LSM2: variants seen among roughly 807,000 people sequenced by gnomAD.
LSM2 encodes LSM2 homolog, U6 small nuclear RNA and mRNA degradation associated.
A neutral mutation model predicts 17.0 loss-of-function variants in LSM2; 12 were observed. That is an observed-to-expected ratio of 0.70 (90% CI 0.45 to 1.14). The LOEUF (loss-of-function observed/expected upper bound fraction) is 1.14. LSM2 is among the 50% of genes most tolerant of loss of function. LSM2 has a pLI of 0.00. For synonymous variants in LSM2, 42 were observed against 44.5 expected (o/e 0.94, Z 0.22); for missense variants, 62 against 111.8 (o/e 0.55, Z 2.01).
Position 31,806,089 on chromosome 6 carries a change from T to G in LSM2, c.57A>C (p.Leu19=). ...SLVGKDVVVE[L]KNDLSICGTL... ...CAGGTACCTACCTCAGGTCATTCTTTAGTTCCACGACCACATCCTTGCCCA... is the reference window on the plus strand; with the variant it reads ...CAGGTACCTACCTCAGGTCATTCTTGAGTTCCACGACCACATCCTTGCCCA... The change falls in exon 2 of 5, where the codon CTA becomes CTC. Residue 19 remains leucine (L), a synonymous_variant. Coordinates refer to ENST00000375661, the MANE Select transcript of LSM2 (RefSeq NM_021177.5). The G allele has an allele frequency of 6.2e-7, 1 of 1,612,946 alleles. No individual in the cohort carries two copies. The highest frequency in any genetic ancestry group is 1.7e-4 in the Middle Eastern group (1 of 6,060).
intron 2 of LSM2, among the ~76,000 whole-genome samples, chr6:31,800,563 G>A (rs1814638038): frequency 6.6e-6 from 1 of 151,954 alleles, no homozygotes; most frequent in Non-Finnish European, 1.5e-5. Flanking sequence ...GACCAGCCTG[G>A]CCAACACGGC....
chr6:31,800,737 A>G (rs1205083737), intron 2 of LSM2, among the ~76,000 whole-genome samples: 3 of 152,122 alleles, frequency 2.0e-5, no homozygotes, highest in African/African-American at 7.2e-5. Flanking sequence ...AATACAAAAA[A>G]TTAGCCGGGC....
In LSM2 at chr6:31,806,773, G is replaced by C. The variant is rs758535485; in HGVS notation, c.-16C>G. 6.2e-7 allele frequency: 1 copy of C among 1,609,656 alleles called. No homozygotes were observed. Among genetic ancestry groups the C allele is most frequent in the Non-Finnish European group, 8.5e-7 (1 of 1,178,754 alleles). ...TACCCACCATGGTGCTGGCGCCGCG[G>C]GCAGCGGGCCGGACCGGGAAGACAG... On this transcript the variant is annotated 5_prime_UTR_variant, in exon 1 of 5. Coordinates refer to ENST00000375661, the MANE Select transcript of LSM2 (RefSeq NM_021177.5).
At chr6:31,798,903 ATTT>A (rs1814545795) in intron 2 of LSM2, among the ~76,000 whole-genome samples, 1 of 151,820 alleles carries the variant, frequency 6.6e-6, no homozygotes, top group African/African-American at 2.4e-5. Flanking sequence ...TGCCCGGCTA[ATTT>A]TTTATTTTTA....
In LSM2 at chr6:31,806,816, G is replaced by A; in HGVS notation, c.-59C>T. The A allele has an allele frequency of 6.4e-7, 1 of 1,562,836 alleles. No homozygotes were observed. The highest frequency in any genetic ancestry group is 8.6e-7 in the Non-Finnish European group (1 of 1,159,516). On this transcript the variant is annotated 5_prime_UTR_variant, in exon 1 of 5. Coordinates refer to ENST00000375661, the MANE Select transcript of LSM2 (RefSeq NM_021177.5). ...GAAGACAGCAGGGTGCTGCGAGCAG[G>A]TCTGGGGAAACCGAAGCGCGAGCCC...
intron 3 of LSM2, 122 bp from the exon 4 acceptor site, chr6:31,798,171 T>C: frequency 2.1e-6 from 2 of 965,172 alleles, no homozygotes; most frequent in Non-Finnish European, 1.5e-6. Context: ...AATCTCCGCC[T>C]CCTGGGTTCA....
In LSM2 at chr6:31,806,841, C is replaced by G; in HGVS notation, c.-84G>C. The G allele has an allele frequency of 6.7e-7, 1 of 1,501,256 alleles. No homozygotes were observed. The highest frequency in any genetic ancestry group is 8.9e-7 in the Non-Finnish European group (1 of 1,126,614). 93.0% of individuals were successfully genotyped at this position (1,501,256 alleles called of 1,614,324 possible). A position where few individuals can be genotyped will look rare whatever the true frequency, so the allele number is the denominator to read the frequency against. On this transcript the variant is annotated 5_prime_UTR_variant, in exon 1 of 5. Coordinates refer to ENST00000375661, the MANE Select transcript of LSM2 (RefSeq NM_021177.5). Reference sequence around the variant, plus strand: ...GTCTGGGGAAACCGAAGCGCGAGCCCGCGCGTGGGGCGAGGCGGGACCGCG... The same window carrying G: ...GTCTGGGGAAACCGAAGCGCGAGCCGGCGCGTGGGGCGAGGCGGGACCGCG...
At chr6:31,804,867 C>T (rs923201803) in intron 2 of LSM2, among the ~76,000 whole-genome samples, 4 of 149,250 alleles carry the variant, frequency 2.7e-5, no homozygotes, top group African/African-American at 9.9e-5. Flanking sequence ...CCCAGGTTCA[C>T]GCCATTCTCC....
At chr6:31,802,238 C>T (rs1814755089) in intron 2 of LSM2, among the ~76,000 whole-genome samples, 1 of 151,444 alleles carries the variant, frequency 6.6e-6, no homozygotes. Flanking sequence ...CGAGATCATG[C>T]CACTGCACTC....
chr6:31,803,714 A>G (rs924758393), intron 2 of LSM2, among the ~76,000 whole-genome samples: 2 of 151,778 alleles, frequency 1.3e-5, no homozygotes, highest in African/African-American at 4.8e-5. Flanking sequence ...CTGAGCAGCT[A>G]GGATTACAGG....
Position 31,797,706 on chromosome 6 carries a change from T to A in LSM2, c.*51A>T. The stretch of plus-strand genomic sequence containing the variant: ...GGGTTAGGGGTTCTGGGCTGGGACT[T>A]GGGGTTATGGGTCACCAATGAAAGA... On this transcript the variant is annotated 3_prime_UTR_variant, in exon 5 of 5. Coordinates refer to ENST00000375661, the MANE Select transcript of LSM2 (RefSeq NM_021177.5). 6.2e-7 allele frequency: 1 copy of A among 1,610,916 alleles called. No individual in the cohort carries two copies. Among genetic ancestry groups the A allele is most frequent in the Non-Finnish European group, 8.5e-7 (1 of 1,179,606 alleles).
chr6:31,801,272 T>C (rs1814687074), intron 2 of LSM2, among the ~76,000 whole-genome samples: 2 of 150,614 alleles, frequency 1.3e-5, no homozygotes, highest in Non-Finnish European at 3.0e-5. Flanking sequence ...AGACAGAGGG[T>C]GAGTCTCTGC....
chr6:31,806,048 A>G, intron 2 of LSM2, 27 bp downstream of exon 2: 1 of 1,610,290 alleles, frequency 6.2e-7, no homozygotes, highest in Non-Finnish European at 8.5e-7. Flanking sequence ...ACCCACCCCC[A>G]ACAGACTTGT....
intron 2 of LSM2, among the ~76,000 whole-genome samples, chr6:31,799,482 G>A (rs12525072): frequency 1.3e-5 from 2 of 151,932 alleles, no homozygotes; most frequent in East Asian, 1.9e-4. Flanking sequence ...TCAGCCTCCC[G>A]AGTAGCTGGG....
intron 2 of LSM2, among the ~76,000 whole-genome samples, chr6:31,805,593 G>A (rs1434933131): frequency 1.3e-5 from 2 of 151,788 alleles, no homozygotes; most frequent in African/African-American, 2.4e-5. Context: ...TTGAACTCCT[G>A]ACCTCGTGAT....
intron 2 of LSM2, among the ~76,000 whole-genome samples, chr6:31,801,551 T>C (rs1282714570): frequency 6.6e-6 from 1 of 152,102 alleles, no homozygotes; most frequent in Non-Finnish European, 1.5e-5. Flanking sequence ...TCCCAGCACT[T>C]TGGGAGGCTG....
chr6:31,799,031 C>T (rs1814551612), intron 2 of LSM2, among the ~76,000 whole-genome samples: 1 of 152,064 alleles, frequency 6.6e-6, no homozygotes, highest in South Asian at 2.1e-4. Flanking sequence ...CCACTGTCCC[C>T]GGCCAAACCA....
chr6:31,806,736 T>A lies in LSM2; in HGVS notation c.3+19A>T. 3 of 1,610,034 alleles carry A rather than the reference T, an allele frequency of 1.9e-6. No individual in the cohort carries two copies. Among genetic ancestry groups the A allele is most frequent in the Non-Finnish European group, 2.5e-6 (3 of 1,178,868 alleles). On this transcript the variant is annotated intron_variant, in intron 1 of 4. Transcript: ENST00000375661. ...GCGAGGTCCCCGAGGGCGCCCCCTT[T>A]TGACGTCACGGTACCCACCATGGTG...
At chr6:31,799,388 G>A (rs1280017171) in intron 2 of LSM2, among the ~76,000 whole-genome samples, 7 of 151,694 alleles carry the variant, frequency 4.6e-5, no homozygotes, top group South Asian at 2.1e-4. Flanking sequence ...ATGGAGTCTC[G>A]CTCTGTCGGC....
Sources: allele counts gnomAD v4.1 joint callset (sites outside exome capture counted in the v4.1 genomes callset), GRCh38; gene constraint gnomAD v4.1.1; transcripts MANE v1.5; gene names NCBI Gene and HGNC (gene_info 2026-07-23, HGNC 2026-07-21).